RP1: variants seen among roughly 807,000 people sequenced by gnomAD.
RP1 encodes the protein oxygen-regulated protein 1.
In RP1, 16 loss-of-function variants were observed where a neutral mutation model predicts 14.8. The ratio of observed to expected loss-of-function variants is 1.08; its 90% CI spans 0.73 to 1.65. The LOEUF (loss-of-function observed/expected upper bound fraction) is 1.65, where lower values mean the gene tolerates loss of function less well. RP1 is among the 40% of genes most tolerant of loss of function. The pLI is 0.00. For missense variants in RP1, 2,631 were observed against 2,535.0 expected (o/e 1.04, Z -0.81); for synonymous variants, 876 against 883.6 (o/e 0.99, Z 0.15).
chr8:54,602,945 TTAGATGAG>T (rs1362611240), intron 1 of RP1, among the ~76,000 whole-genome samples: 2 of 152,212 alleles, frequency 1.3e-5, no homozygotes, highest in Non-Finnish European at 2.9e-5. Context: ...TAGCCCTTTG[TTAGATGAG>T]TAGATGGCAA....
rs78119435 is a variant in RP1 at position 54,862,553 on chromosome 8, A to G, written c.4070-3282A>G. ...AAGTGATTTACAAAAAAGATTTTTT[A>G]AAGATAGCAGAGTATTCCACACACA... On this transcript the variant is annotated intron_variant, in intron 27 of 28. Coordinates refer to the RP1 transcript ENST00000637698. Among the ~76,000 whole-genome samples, 749 of 152,318 alleles carry G rather than the reference A, an allele frequency of 4.9e-3. 1 individual carries two copies. Among genetic ancestry groups the G allele is most frequent in the Non-Finnish European group, 7.8e-3 (531 of 68,026 alleles).
At chr8:54,587,974 C>A (rs941343334) in intron 1 of RP1, among the ~76,000 whole-genome samples, 1 of 152,184 alleles carries the variant, frequency 6.6e-6, no homozygotes, top group East Asian at 1.9e-4. Context: ...TCCTGTCTTG[C>A]AAATTTCTCT....
chr8:54,859,074 G>A (rs913046530), intron 27 of RP1, among the ~76,000 whole-genome samples: 1 of 152,064 alleles, frequency 6.6e-6, no homozygotes, highest in Non-Finnish European at 1.5e-5. Flanking sequence ...GCAGAGGGGT[G>A]TCATTATAGA....
At chr8:54,623,552 C>A (rs1320133898) in intron 3 of RP1, among the ~76,000 whole-genome samples, 2 of 151,940 alleles carry the variant, frequency 1.3e-5, no homozygotes, top group African/African-American at 4.8e-5. Context: ...CCCGCCTCAG[C>A]CTCCCAAAGT....
chr8:54,784,178 T>C (rs1341071669), intron 24 of RP1, among the ~76,000 whole-genome samples: 1 of 152,104 alleles, frequency 6.6e-6, no homozygotes, highest in African/African-American at 2.4e-5. Flanking sequence ...ATTGCTGACT[T>C]TGCCATTTAC....
At chr8:54,656,925 G>C (rs1192632560) in intron 6 of RP1, among the ~76,000 whole-genome samples, 2 of 151,942 alleles carry the variant, frequency 1.3e-5, no homozygotes, top group African/African-American at 4.8e-5. Context: ...AAATAAATGA[G>C]TAATATTAAG....
At chr8:54,798,830 A>G (rs538272579) in intron 24 of RP1, among the ~76,000 whole-genome samples, 3 of 152,144 alleles carry the variant, frequency 2.0e-5, no homozygotes, top group Non-Finnish European at 4.4e-5. Flanking sequence ...ATACTTGTAC[A>G]TCTATATTAG....
At chr8:54,669,405 A>G (rs577392232) in intron 7 of RP1, among the ~76,000 whole-genome samples, 1 of 152,336 alleles carries the variant, frequency 6.6e-6, no homozygotes, top group Admixed American at 6.5e-5. Flanking sequence ...GTGGAGAAAT[A>G]GGAACACTTT....
chr8:54,596,230 A>G (rs1805142336), intron 1 of RP1, among the ~76,000 whole-genome samples: 1 of 152,202 alleles, frequency 6.6e-6, no homozygotes, highest in African/African-American at 2.4e-5. Flanking sequence ...CTGTTCAACA[A>G]CTGATGGAAA....
intron 1 of RP1, among the ~76,000 whole-genome samples, chr8:54,584,510 A>C (rs1173779572): frequency 6.6e-6 from 1 of 152,156 alleles, no homozygotes; most frequent in Non-Finnish European, 1.5e-5. Flanking sequence ...GCAGATGTCT[A>C]TTAGGTCCGC....
At position 54,630,413 on chromosome 8, in the gene RP1, T is replaced by C; in HGVS notation, c.*60T>C. The C allele has an allele frequency of 6.2e-7, 1 of 1,602,328 alleles. No homozygotes were observed. The highest frequency in any genetic ancestry group is 1.3e-5 in the African/African-American group (1 of 74,872). The stretch of plus-strand genomic sequence containing the variant: ...ATTTTTTCCCATGAGATGAAGCACA[T>C]GTGACGAATACGGACTAGATAACCT... On this transcript the variant is annotated 3_prime_UTR_variant, in exon 4 of 4. Coordinates refer to ENST00000220676, the MANE Select transcript of RP1 (RefSeq NM_006269.2).
intron 19 of RP1, among the ~76,000 whole-genome samples, chr8:54,751,954 C>T (rs184749320): frequency 6.6e-6 from 1 of 152,224 alleles, no homozygotes; most frequent in East Asian, 1.9e-4. Flanking sequence ...TCAGTGGGCT[C>T]TTCTAAGGTT....
intron 16 of RP1, chr8:54,726,337 A>C: frequency 6.6e-7 from 1 of 1,518,146 alleles, no homozygotes; most frequent in Non-Finnish European, 8.8e-7. Context: ...TTAAAATCTT[A>C]ATTTCAGTTG....
At chr8:54,797,312 A>T (rs373067141) in intron 24 of RP1, among the ~76,000 whole-genome samples, 28 of 152,218 alleles carry the variant, frequency 1.8e-4, no homozygotes, top group African/African-American at 6.8e-4. Context: ...AAATTAGGCT[A>T]GGAAATAGTT....
At chr8:54,787,744 T>A (rs542843429) in intron 24 of RP1, among the ~76,000 whole-genome samples, 1 of 152,332 alleles carries the variant, frequency 6.6e-6, no homozygotes, top group South Asian at 2.1e-4. Context: ...TATTGTGAAC[T>A]CCCAGGGCAC....
chr8:54,592,061 A>G (rs1157428230), intron 1 of RP1, among the ~76,000 whole-genome samples: 2 of 152,354 alleles, frequency 1.3e-5, no homozygotes, highest in African/African-American at 4.8e-5. Context: ...AGGGATGTGG[A>G]TATGGGGAGA....
At chr8:54,868,823 T>G (rs984306359) in intron 28 of RP1, among the ~76,000 whole-genome samples, 1 of 152,154 alleles carries the variant, frequency 6.6e-6, no homozygotes, top group Non-Finnish European at 1.5e-5. Context: ...CTTCTAATTA[T>G]GGGAAAAGAA....
chr8:54,803,128 C>T (rs1200052505), intron 24 of RP1, among the ~76,000 whole-genome samples: 1 of 152,116 alleles, frequency 6.6e-6, no homozygotes, highest in Non-Finnish European at 1.5e-5. Context: ...ACCAAGACTA[C>T]AAAATATTAT....
At chr8:54,810,493 T>C (rs1810964899) in intron 24 of RP1, among the ~76,000 whole-genome samples, 1 of 152,186 alleles carries the variant, frequency 6.6e-6, no homozygotes, top group African/African-American at 2.4e-5. Context: ...ATCCCCTTCA[T>C]AGGCGTGATG....
Sources: allele counts gnomAD v4.1 joint callset (sites outside exome capture counted in the v4.1 genomes callset), GRCh38; gene constraint gnomAD v4.1.1; transcripts MANE v1.5; gene names NCBI Gene and HGNC (gene_info 2026-07-23, HGNC 2026-07-21).